The following MSRB3 variants were observed in gnomAD, a reference collection of about 807,000 sequenced individuals.
The protein encoded by MSRB3 is methionine sulfoxide reductase B3, also known as methionine-R-sulfoxide reductase B3.
In MSRB3, 13 loss-of-function variants were observed where a neutral mutation model predicts 21.0. That is an observed-to-expected ratio of 0.62 (90% CI 0.40 to 0.98). MSRB3 has a LOEUF of 0.98. Ranked by LOEUF, MSRB3 falls within the 50% of genes least tolerant of loss-of-function variation. MSRB3 has a pLI of 0.00. For missense variants in MSRB3, 199 were observed against 230.3 expected, an observed-to-expected ratio of 0.86 and a Z score of 0.88; for synonymous variants, 87 against 88.6, an observed-to-expected ratio of 0.98 and a Z score of 0.10.
intron 1 of MSRB3, among the ~76,000 whole-genome samples, chr12:65,297,002 G>A (rs1329382585): frequency 6.6e-6 from 1 of 152,156 alleles, no homozygotes; most frequent in Non-Finnish European, 1.5e-5. Flanking sequence ...CCTAAACTGT[G>A]TTTGAAGGTT....
chr12:65,433,507 C>CAGAAG (rs1881979092), intron 5 of MSRB3, among the ~76,000 whole-genome samples: 1 of 151,816 alleles, frequency 6.6e-6, no homozygotes, highest in Non-Finnish European at 1.5e-5. Context: ...TGCAGTACCT[C>CAGAAG]ACACCATCAT....
chr12:65,445,089 A>G (rs1010751653), intron 5 of MSRB3, among the ~76,000 whole-genome samples: 2 of 152,142 alleles, frequency 1.3e-5, no homozygotes, highest in Non-Finnish European at 2.9e-5. Flanking sequence ...GTAAAAATGT[A>G]TCTCTAGCAT....
At chr12:65,355,525 C>G (rs1877331576) in intron 4 of MSRB3, among the ~76,000 whole-genome samples, 1 of 151,826 alleles carries the variant, frequency 6.6e-6, no homozygotes, top group Admixed American at 6.6e-5. Flanking sequence ...ACAACCTATA[C>G]TTTTGTTCAT....
chr12:65,300,981 G>A (rs1286926112), intron 1 of MSRB3, among the ~76,000 whole-genome samples: 1 of 152,114 alleles, frequency 6.6e-6, no homozygotes, highest in African/African-American at 2.4e-5. Flanking sequence ...TTCCTACCAC[G>A]TGCCTGGAAA....
chr12:65,393,991 G>T (rs1267070285), intron 5 of MSRB3, among the ~76,000 whole-genome samples: 1 of 151,686 alleles, frequency 6.6e-6, no homozygotes, highest in Admixed American at 6.6e-5. Context: ...TTAATACAAG[G>T]TATTTATAAA....
chr12:65,308,377 C>G (rs1873781651), intron 1 of MSRB3, among the ~76,000 whole-genome samples, 152 bp from the exon 2 acceptor site: 1 of 152,180 alleles, frequency 6.6e-6, no homozygotes, highest in Admixed American at 6.5e-5. Flanking sequence ...AAAGTAAGCT[C>G]ACGGGCTGAA....
At chr12:65,311,902 C>T (rs939925629) in intron 2 of MSRB3, among the ~76,000 whole-genome samples, 4 of 151,836 alleles carry the variant, frequency 2.6e-5, no homozygotes, top group African/African-American at 4.8e-5. Context: ...ACTTTTTTTA[C>T]GTCTTATTTT....
chr12:65,287,905 A>G (rs1872467525), intron 1 of MSRB3, among the ~76,000 whole-genome samples: 2 of 151,690 alleles, frequency 1.3e-5, no homozygotes, highest in South Asian at 2.1e-4. Flanking sequence ...TTGGAAAACT[A>G]GGTTTTTCTA....
intron 4 of MSRB3, among the ~76,000 whole-genome samples, chr12:65,341,922 C>T (rs991383452): frequency 2.0e-5 from 3 of 151,664 alleles, no homozygotes; most frequent in African/African-American, 7.3e-5. Context: ...ATTTAAAAAC[C>T]TCTTAGTATA....
intron 4 of MSRB3, among the ~76,000 whole-genome samples, chr12:65,342,192 A>G (rs1452309240): frequency 6.6e-6 from 1 of 151,076 alleles, no homozygotes; most frequent in East Asian, 1.9e-4. Context: ...AAAACACCAT[A>G]GAGTATATTA....
chr12:65,328,753 T>C (rs1451016748), intron 4 of MSRB3, 150 bp downstream of exon 4: 15 of 681,402 alleles, frequency 2.2e-5, no homozygotes, highest in African/African-American at 8.9e-5. Flanking sequence ...AAAGTAATTA[T>C]TGATTTCATG....
At chr12:65,373,948 G>C (rs1013099519) in intron 5 of MSRB3, among the ~76,000 whole-genome samples, 1 of 152,144 alleles carries the variant, frequency 6.6e-6, no homozygotes, top group Non-Finnish European at 1.5e-5. Context: ...AAACATAAGG[G>C]CAGGGAAAAA....
At chr12:65,339,127 A>C (rs1474755853) in intron 4 of MSRB3, among the ~76,000 whole-genome samples, 2 of 152,222 alleles carry the variant, frequency 1.3e-5, no homozygotes, top group African/African-American at 2.4e-5. Context: ...AGACAGAGAC[A>C]TACTGCTAAG....
At chr12:65,390,224 T>C (rs1167308590) in intron 5 of MSRB3, among the ~76,000 whole-genome samples, 1 of 152,158 alleles carries the variant, frequency 6.6e-6, no homozygotes, top group Non-Finnish European at 1.5e-5. Flanking sequence ...AGCCTGAAGA[T>C]AAACTCAAGT....
chr12:65,291,667 G>T (rs2136395845), intron 1 of MSRB3, among the ~76,000 whole-genome samples: 1 of 152,248 alleles, frequency 6.6e-6, no homozygotes, highest in South Asian at 2.1e-4. Flanking sequence ...GAGAAACACA[G>T]GACCTCATTC....
chr12:65,438,320 AC>A (rs147577452), intron 5 of MSRB3, among the ~76,000 whole-genome samples: 2,082 of 152,022 alleles, frequency 0.014, 44 homozygotes, highest in African/African-American at 0.048. Flanking sequence ...GAGCAAAAAC[AC>A]AAAGAGGTAT....
At chr12:65,315,051 A>G (rs2136432170) in intron 2 of MSRB3, among the ~76,000 whole-genome samples, 1 of 152,304 alleles carries the variant, frequency 6.6e-6, no homozygotes, top group South Asian at 2.1e-4. Context: ...ATTCAGTAAT[A>G]TTGTGGGTAG....
intron 5 of MSRB3, among the ~76,000 whole-genome samples, chr12:65,413,974 T>C (rs938078819): frequency 6.6e-6 from 1 of 152,142 alleles, no homozygotes; most frequent in African/African-American, 2.4e-5. Context: ...AATGTATACC[T>C]GGTTTTTAAG....
intron 4 of MSRB3, among the ~76,000 whole-genome samples, chr12:65,354,668 C>T (rs566724360): frequency 2.0e-5 from 3 of 151,414 alleles, no homozygotes; most frequent in Non-Finnish European, 4.4e-5. Context: ...ACTACAAAGG[C>T]CAAAGGTAGA....
Sources: allele counts gnomAD v4.1 joint callset (sites outside exome capture counted in the v4.1 genomes callset), GRCh38; gene constraint gnomAD v4.1.1; transcripts MANE v1.5; gene names NCBI Gene and HGNC (gene_info 2026-07-23, HGNC 2026-07-21).